MAN1A1: variants seen among roughly 807,000 people sequenced by gnomAD.
MAN1A1 encodes mannosidase alpha class 1A member 1, also known as mannosyl-oligosaccharide 1,2-alpha-mannosidase IA.
Under a neutral mutation model 70.8 loss-of-function variants are expected in MAN1A1, and 29 were observed. The observed-to-expected ratio is 0.41, with a 90% CI of 0.31 to 0.56. MAN1A1 has a LOEUF of 0.56. MAN1A1 is among the 20% of genes least tolerant of loss of function. The pLI, the probability that MAN1A1 is intolerant of heterozygous loss-of-function variation, is 0.29. For missense variants in MAN1A1, 747 were observed against 841.3 expected (o/e 0.89, Z 1.39); for synonymous variants, 349 against 330.1 (o/e 1.06, Z -0.62).
rs748969992 is a variant in MAN1A1, at chr6:119,348,616, G to A, written c.450C>T (p.Ile150=). ...GGGCCACCTTCTTCTTCTCCAGTAG[G>A]ATGTCTCTTTGGATCTCCTCGGGCA... ...QKLPEEIQRD[I]LLEKKKVAQD... Residue 150 remains isoleucine, a synonymous_variant, in exon 2 of 13, where the codon ATC becomes ATT. Coordinates refer to ENST00000368468, the MANE Select transcript of MAN1A1 (RefSeq NM_005907.4). The A allele has an allele frequency of 2.5e-6, 4 of 1,613,834 alleles. No individual in the cohort carries two copies. The African/African-American group carries it at 4.0e-5, about 16-fold the overall frequency.
chr6:119,312,542 G>A lies in MAN1A1; in HGVS notation c.604-5550C>T, dbSNP rs117145904. On this transcript the variant is annotated intron_variant, in intron 2 of 12. Coordinates refer to ENST00000368468, the MANE Select transcript of MAN1A1 (RefSeq NM_005907.4). ...CGGCAATCTAACCACCCCTTCCACC[G>A]CTTATCTAATGCTATCCCCACCACC... 4.6e-3 allele frequency among the ~76,000 whole-genome samples: 699 copies of A among 152,076 alleles called. 2 individuals are homozygous for A. The highest frequency in any genetic ancestry group is 5.8e-3 in the Non-Finnish European group (394 of 67,996).
rs1773810194 is a variant in MAN1A1, at chr6:119,348,684, G to T, written c.382C>A (p.His128Asn). The T allele has an allele frequency of 1.2e-6, 2 of 1,610,778 alleles. No individual in the cohort carries two copies. Among genetic ancestry groups the T allele is most frequent in the South Asian group, 2.2e-5 (2 of 90,532 alleles). Residue 128 changes from histidine to asparagine, a missense_variant, in exon 2 of 13, where the codon CAC becomes AAC. His to Asn is a moderately conservative substitution (Grantham distance 68). Coordinates refer to ENST00000368468, the MANE Select transcript of MAN1A1 (RefSeq NM_005907.4). ...EDNLARIREN[H>N]ERALREAKET... ...TTGGCTTCCCTGAGAGCCCGCTCGT[G>T]GTTTTCGCGGATCCTGGCCAAGTTG...
At chr6:119,225,301 T>C (rs995905383) in intron 6 of MAN1A1, among the ~76,000 whole-genome samples, 4 of 151,308 alleles carry the variant, frequency 2.6e-5, no homozygotes, top group Admixed American at 6.6e-5. Context: ...ACTTGGGAGG[T>C]TGAGGTGGGA....
intron 6 of MAN1A1, among the ~76,000 whole-genome samples, chr6:119,222,271 G>C (rs1282198766): frequency 7.2e-6 from 1 of 138,048 alleles, no homozygotes; most frequent in Non-Finnish European, 1.6e-5. Context: ...ACCCTGAAGT[G>C]TTTTTTATTT....
intron 4 of MAN1A1, among the ~76,000 whole-genome samples, chr6:119,295,826 C>T (rs1349155372): frequency 2.0e-5 from 3 of 152,118 alleles, no homozygotes; most frequent in African/African-American, 7.2e-5. Flanking sequence ...GCTTTAATAA[C>T]TGCCCACTAC....
intron 6 of MAN1A1, among the ~76,000 whole-genome samples, chr6:119,235,594 C>T (rs1025317922): frequency 3.9e-5 from 6 of 152,182 alleles, no homozygotes; most frequent in African/African-American, 1.4e-4. Flanking sequence ...GGTGAAGCAG[C>T]AAGTGCTAGA....
Position 119,311,331 on chromosome 6 carries a change from C to T in MAN1A1, c.604-4339G>A, listed in dbSNP as rs75903972. ...ATATATGTGAAACCAGGCAAACTTACATTGTACACAAGCTCTTTATCAATA... is the reference window on the plus strand; with the variant it reads ...ATATATGTGAAACCAGGCAAACTTATATTGTACACAAGCTCTTTATCAATA... On this transcript the variant is annotated intron_variant, in intron 2 of 12. Coordinates refer to ENST00000368468, the MANE Select transcript of MAN1A1 (RefSeq NM_005907.4). 5.9e-3 allele frequency among the ~76,000 whole-genome samples: 898 copies of T among 152,254 alleles called. 31 individuals are homozygous for T. The East Asian group carries it at 0.09, about 15-fold the overall frequency.
intron 5 of MAN1A1, among the ~76,000 whole-genome samples, chr6:119,252,653 G>T (rs1562211629): frequency 6.6e-6 from 1 of 152,096 alleles, no homozygotes; most frequent in South Asian, 2.1e-4. Flanking sequence ...TTAGCTGGGC[G>T]TGGTGGTACA....
intron 6 of MAN1A1, among the ~76,000 whole-genome samples, chr6:119,223,456 C>T (rs1362598199): frequency 2.0e-5 from 3 of 152,052 alleles, no homozygotes; most frequent in Admixed American, 2.0e-4. Flanking sequence ...AAAACTGGCA[C>T]AACTATTCTG....
At chr6:119,254,715 T>A (rs1282943504) in intron 5 of MAN1A1, among the ~76,000 whole-genome samples, 1 of 152,184 alleles carries the variant, frequency 6.6e-6, no homozygotes, top group Non-Finnish European at 1.5e-5. Flanking sequence ...TGGGCAGACA[T>A]CTAATGATCC....
chr6:119,247,597 T>A (rs1332650953), intron 6 of MAN1A1, among the ~76,000 whole-genome samples: 1 of 152,204 alleles, frequency 6.6e-6, no homozygotes, highest in Non-Finnish European at 1.5e-5. Context: ...CTCCAACTAC[T>A]CTCTGGGAGA....
chr6:119,235,407 C>G (rs1774814352), intron 6 of MAN1A1, among the ~76,000 whole-genome samples: 1 of 152,166 alleles, frequency 6.6e-6, no homozygotes, highest in African/African-American at 2.4e-5. Flanking sequence ...GACAGAAGAT[C>G]ACACCAACCA....
At chr6:119,284,139 C>T (rs1305035556) in intron 5 of MAN1A1, among the ~76,000 whole-genome samples, 3 of 152,168 alleles carry the variant, frequency 2.0e-5, no homozygotes, top group Non-Finnish European at 2.9e-5. Context: ...TATTTTATCT[C>T]AGGCATATCT....
Position 119,180,436 on chromosome 6 carries a change from T to TAC in MAN1A1, c.1720-10_1720-9insGT. ...CAATGGTTTTCCAAGGCCTAAATTATAGAGGAGGAAAAAAAAAAGTCACAT... is the reference window on the plus strand; with the variant it reads ...CAATGGTTTTCCAAGGCCTAAATTATACAGAGGAGGAAAAAAAAAAGTCACAT... On this transcript the variant is annotated splice_polypyrimidine_tract_variant and intron_variant, in intron 11 of 12. Coordinates refer to ENST00000368468, the MANE Select transcript of MAN1A1 (RefSeq NM_005907.4). 1.4e-6 allele frequency: 2 copies of TAC among 1,444,686 alleles called. No homozygotes were observed. Among genetic ancestry groups the TAC allele is most frequent in the Non-Finnish European group, 1.9e-6 (2 of 1,040,538 alleles). The allele number at this position is 1,444,686 out of a possible 1,614,324, so 89.5% of individuals were successfully genotyped here.
At chr6:119,237,393 C>T (rs969804785) in intron 6 of MAN1A1, among the ~76,000 whole-genome samples, 4 of 152,096 alleles carry the variant, frequency 2.6e-5, no homozygotes, top group Non-Finnish European at 4.4e-5. Flanking sequence ...ACCTGTAATC[C>T]CTGGACCACA....
chr6:119,325,289 C>T (rs1417864012), intron 2 of MAN1A1, among the ~76,000 whole-genome samples: 2 of 134,986 alleles, frequency 1.5e-5, no homozygotes, highest in African/African-American at 2.6e-5. Context: ...AGAGTTTTTG[C>T]TCCTAACTTT....
chr6:119,220,930 C>G (rs904025856), intron 6 of MAN1A1, among the ~76,000 whole-genome samples: 1 of 151,938 alleles, frequency 6.6e-6, no homozygotes, highest in Non-Finnish European at 1.5e-5. Context: ...AAAACTGACT[C>G]ATAATATACT....
At chr6:119,304,484 T>C (rs1476819661) in intron 3 of MAN1A1, among the ~76,000 whole-genome samples, 2 of 152,200 alleles carry the variant, frequency 1.3e-5, no homozygotes, top group East Asian at 1.9e-4. Flanking sequence ...ATACCTCTCT[T>C]TGAGGTACAG....
chr6:119,209,090 C>CA (rs34328766), intron 6 of MAN1A1, among the ~76,000 whole-genome samples: 11,166 of 88,652 alleles, frequency 0.13, 751 homozygotes, highest in East Asian at 0.23. Flanking sequence ...GACCCCGTCT[C>CA]AAAAAAAAAA....
Sources: allele counts gnomAD v4.1 joint callset (sites outside exome capture counted in the v4.1 genomes callset), GRCh38; gene constraint gnomAD v4.1.1; transcripts MANE v1.5; gene names NCBI Gene and HGNC (gene_info 2026-07-23, HGNC 2026-07-21).